OR6C4: variants seen among roughly 807,000 people sequenced by gnomAD.
The protein encoded by OR6C4 is olfactory receptor family 6 subfamily C member 4, also known as olfactory receptor 6C4.
In OR6C4, 20 loss-of-function variants were observed where a neutral mutation model predicts 15.1. That is an observed-to-expected ratio of 1.32 (90% CI 0.93 to 1.92). The LOEUF (loss-of-function observed/expected upper bound fraction) is 1.92, where lower values mean the gene tolerates loss of function less well. Ranked by LOEUF, OR6C4 falls within the 30% of genes most tolerant of loss-of-function variation. The pLI, the probability that OR6C4 is intolerant of heterozygous loss-of-function variation, is 0.00. For missense variants in OR6C4, 491 were observed against 363.2 expected, an observed-to-expected ratio of 1.35 and a Z score of -2.86; for synonymous variants, 179 against 134.2, an observed-to-expected ratio of 1.33 and a Z score of -2.31.
rs914573923 is a variant in OR6C4, at chr12:55,553,827, C to T, written c.*1671C>T. Reference sequence around the variant, plus strand: ...AGTTACCTGGGGATAGTTACTTGATCTCTCTAAGGCTCACCTCTGTCAACT... The same window carrying T: ...AGTTACCTGGGGATAGTTACTTGATTTCTCTAAGGCTCACCTCTGTCAACT... On this transcript the variant is annotated 3_prime_UTR_variant, in exon 2 of 2. Coordinates refer to ENST00000641569, the MANE Select transcript of OR6C4 (RefSeq NM_001005494.2). 2 of 152,126 alleles carry T rather than the reference C, an allele frequency of 1.3e-5. No individual in the cohort carries two copies. The highest frequency in any genetic ancestry group is 1.3e-4 in the Admixed American group (2 of 15,256). 9.4% of individuals were successfully genotyped at this position (152,126 alleles called of 1,614,324 possible).
Position 55,549,864 on chromosome 12 carries a change from G to T in OR6C4, c.-273G>T, listed in dbSNP as rs1873810374. 3 of 152,208 alleles carry T rather than the reference G, an allele frequency of 2.0e-5. No homozygotes were observed. The highest frequency in any genetic ancestry group is 6.8e-3 in the Middle Eastern group (2 of 292). The allele number at this position is 152,208 out of a possible 1,614,324, so 9.4% of individuals were successfully genotyped here. Reference sequence around the variant, plus strand: ...TTTGGATACTTCTATTAAGAGAAAGGTAAAATGTGGATGGAAGCCAATAGA... The same window carrying T: ...TTTGGATACTTCTATTAAGAGAAAGTTAAAATGTGGATGGAAGCCAATAGA... On this transcript the variant is annotated 5_prime_UTR_variant, in exon 1 of 2. Transcript: ENST00000641569.
rs1425740386 is a variant in OR6C4, at chr12:55,555,152, G to A, written c.*2996G>A. The A allele has an allele frequency of 6.6e-6, 1 of 152,178 alleles. No individual in the cohort carries two copies. Among genetic ancestry groups the A allele is most frequent in the Non-Finnish European group, 1.5e-5 (1 of 68,036 alleles). 9.4% of individuals were successfully genotyped at this position (152,178 alleles called of 1,614,324 possible). On this transcript the variant is annotated 3_prime_UTR_variant, in exon 2 of 2. Transcript: ENST00000641569. Reference sequence around the variant, plus strand: ...AGCTACTGGGAAGGCTGAAGCACAAGAATCACTTGGAGTACAAGTGGCCTT... The same window carrying A: ...AGCTACTGGGAAGGCTGAAGCACAAAAATCACTTGGAGTACAAGTGGCCTT...
rs1235702786 is a variant in OR6C4, at chr12:55,552,733, G to T, written c.*577G>T. The T allele has an allele frequency of 6.6e-6, 1 of 151,918 alleles. No homozygotes were observed. The highest frequency in any genetic ancestry group is 1.5e-5 in the Non-Finnish European group (1 of 67,926). The allele number at this position is 151,918 out of a possible 1,614,324, so 9.4% of individuals were successfully genotyped here. Reference sequence around the variant, plus strand: ...TTGCAACTTCCCTCCTTTCATAAGAGGAAAATGAAAGAATATATATTTAGT... The same window carrying T: ...TTGCAACTTCCCTCCTTTCATAAGATGAAAATGAAAGAATATATATTTAGT... On this transcript the variant is annotated 3_prime_UTR_variant, in exon 2 of 2. Coordinates refer to ENST00000641569, the MANE Select transcript of OR6C4 (RefSeq NM_001005494.2).
chr12:55,551,011 C>T (rs1237701284), intron 1 of OR6C4, among the ~76,000 whole-genome samples, 198 bp from the exon 2 acceptor site: 1 of 151,988 alleles, frequency 6.6e-6, no homozygotes, highest in South Asian at 2.1e-4. Flanking sequence ...AGGAACAGGT[C>T]AACTTGAGAA....
chr12:55,552,162 G>A lies in OR6C4; in HGVS notation c.*6G>A, dbSNP rs1291948038. ...AAAAGATTGTGAAACTTTAAAAAAG[G>A]AGATTACACTTCAAAATACATTTTC... On this transcript the variant is annotated 3_prime_UTR_variant, in exon 2 of 2. Coordinates refer to ENST00000641569, the MANE Select transcript of OR6C4 (RefSeq NM_001005494.2). 1 of 1,565,764 alleles carries A rather than the reference G, an allele frequency of 6.4e-7. No homozygotes were observed. Among genetic ancestry groups the A allele is most frequent in the Non-Finnish European group, 8.7e-7 (1 of 1,153,680 alleles).
In OR6C4 at chr12:55,551,391, C is replaced by A. The variant is rs777818358; in HGVS notation, c.165C>A (p.Thr55=). The change falls in exon 2 of 2, where the codon ACC becomes ACA. Residue 55 remains threonine (T), a synonymous_variant. Coordinates refer to ENST00000641569, the MANE Select transcript of OR6C4 (RefSeq NM_001005494.2). ...CCTTACTAGACCCCCACCTCCAGAC[C>A]CCCATGTATTTCTTCCTCCGGAATT... ...TLTLLDPHLQ[T]PMYFFLRNFS... 15 of 1,613,734 alleles carry A rather than the reference C, an allele frequency of 9.3e-6. No individual in the cohort carries two copies. Among genetic ancestry groups the A allele is most frequent in the African/African-American group, 5.3e-5 (4 of 74,856 alleles).
chr12:55,551,203 C>T lies in OR6C4; in HGVS notation c.-18-6C>T, dbSNP rs1873843917. 3 of 1,542,022 alleles carry T rather than the reference C, an allele frequency of 1.9e-6. No individual in the cohort carries two copies. The highest frequency in any genetic ancestry group is 2.7e-6 in the Non-Finnish European group (3 of 1,124,998). On this transcript the variant is annotated splice_region_variant and splice_polypyrimidine_tract_variant and intron_variant, in intron 1 of 1. Transcript: ENST00000641569. ...AATTTTCATCATTCTCACCTTTTGCCTTTAGGTTTTCCGAAGGTCAACAAT... is the reference window on the plus strand; with the variant it reads ...AATTTTCATCATTCTCACCTTTTGCTTTTAGGTTTTCCGAAGGTCAACAAT...
At position 55,551,532 on chromosome 12, in the gene OR6C4, T is replaced by C. The variant is rs1228749680; in HGVS notation, c.306T>C (p.Ala102=). ...GCTGCTTGACTCAGTATTTTTTTGC[T>C]ATATTTCTTGGAGCTACCGAGTTTT... ...FAGCLTQYFF[A]IFLGATEFYL... Residue 102 remains alanine, a synonymous_variant, in exon 2 of 2, where the codon GCT becomes GCC. Transcript: ENST00000641569. The C allele has an allele frequency of 6.2e-7, 1 of 1,613,994 alleles. No homozygotes were observed. Among genetic ancestry groups the C allele is most frequent in the South Asian group, 1.1e-5 (1 of 91,084 alleles).
Position 55,552,186 on chromosome 12 carries a change from T to G in OR6C4, c.*30T>G, listed in dbSNP as rs1592336799. Reference sequence around the variant, plus strand: ...GGAGATTACACTTCAAAATACATTTTCACTTAACAAATATGCATTGAATGT... The same window carrying G: ...GGAGATTACACTTCAAAATACATTTGCACTTAACAAATATGCATTGAATGT... On this transcript the variant is annotated 3_prime_UTR_variant, in exon 2 of 2. Coordinates refer to ENST00000641569, the MANE Select transcript of OR6C4 (RefSeq NM_001005494.2). The G allele has an allele frequency of 1.4e-6, 2 of 1,470,282 alleles. No homozygotes were observed. Among genetic ancestry groups the G allele is most frequent in the East Asian group, 4.6e-5 (2 of 43,330 alleles). 91.1% of individuals were successfully genotyped at this position (1,470,282 alleles called of 1,614,324 possible).
Position 55,551,646 on chromosome 12 carries a change from A to G in OR6C4, c.420A>G (p.Ile140Met), listed in dbSNP as rs1430257749. ...CTATTATGAGCAGCAGAGTCTGCAT[A>G]CAACTAGTGTTCTGCTCCTGGTTGG... is the stretch of plus-strand genomic sequence containing the variant. ...YLTIMSSRVC[I>M]QLVFCSWLGG... The change falls in exon 2 of 2, where the codon ATA becomes ATG. Residue 140 changes from isoleucine (I) to methionine (M), a missense_variant. By Grantham distance (10) the Ile-to-Met change is conservative. Transcript: ENST00000641569. 1.9e-6 allele frequency: 3 copies of G among 1,613,862 alleles called. No individual in the cohort carries two copies. Among genetic ancestry groups the G allele is most frequent in the Admixed American group, 3.3e-5 (2 of 59,952 alleles).
Position 55,552,458 on chromosome 12 carries a change from CAG to C in OR6C4, c.*304_*305del, listed in dbSNP as rs1358502516. The C allele has an allele frequency of 4.4e-6, 1 of 224,824 alleles. No individual in the cohort carries two copies. Among genetic ancestry groups the C allele is most frequent in the Non-Finnish European group, 8.5e-6 (1 of 117,732 alleles). 13.9% of individuals were successfully genotyped at this position (224,824 alleles called of 1,614,324 possible). ...ATTATTTGAAATTTAAGAAGCAAAA[CAG>C]ATTGTTTATTTAGAAGAGTAGGAGG... is the stretch of plus-strand genomic sequence containing the variant. On this transcript the variant is annotated 3_prime_UTR_variant, in exon 2 of 2. Transcript: ENST00000641569.
At position 55,549,664 on chromosome 12, in the gene OR6C4, G is replaced by T. The variant is rs879313305; in HGVS notation, c.-473G>T. 7.9e-5 allele frequency: 12 copies of T among 152,146 alleles called. No individual in the cohort carries two copies. Among genetic ancestry groups the T allele is most frequent in the Non-Finnish European group, 1.5e-4 (10 of 68,020 alleles). The allele number at this position is 152,146 out of a possible 1,614,324, so 9.4% of individuals were successfully genotyped here. On this transcript the variant is annotated 5_prime_UTR_variant, in exon 1 of 2. Coordinates refer to ENST00000641569, the MANE Select transcript of OR6C4 (RefSeq NM_001005494.2). ...ATCTCTCTTAGAACATAAATTTTCA[G>T]AAATTTTCTGTCTCTCAAAGTATTT...
chr12:55,553,823 T>G lies in OR6C4; in HGVS notation c.*1667T>G, dbSNP rs1873941985. On this transcript the variant is annotated 3_prime_UTR_variant, in exon 2 of 2. Coordinates refer to ENST00000641569, the MANE Select transcript of OR6C4 (RefSeq NM_001005494.2). ...CCAAAGTTACCTGGGGATAGTTACT[T>G]GATCTCTCTAAGGCTCACCTCTGTC... 6.6e-6 allele frequency: 1 copy of G among 152,154 alleles called. No individual in the cohort carries two copies. The highest frequency in any genetic ancestry group is 2.1e-4 in the South Asian group (1 of 4,830). 9.4% of individuals were successfully genotyped at this position (152,154 alleles called of 1,614,324 possible).
chr12:55,550,868 T>C (rs555720083), intron 1 of OR6C4, among the ~76,000 whole-genome samples: 1 of 152,278 alleles, frequency 6.6e-6, no homozygotes, highest in South Asian at 2.1e-4. Flanking sequence ...TTAGGAGAGC[T>C]TATAATACAG....
At position 55,551,367 on chromosome 12, in the gene OR6C4, C is replaced by G. The variant is rs1382970087; in HGVS notation, c.141C>G (p.Thr47=). Residue 47 remains threonine, a synonymous_variant, in exon 2 of 2, where the codon ACC becomes ACG. Transcript: ENST00000641569. ...GAAATCTGACTATTATCACCCTCAC[C>G]TTACTAGACCCCCACCTCCAGACCC... ...ILGNLTIITL[T]LLDPHLQTPM... The G allele has an allele frequency of 6.2e-7, 1 of 1,613,762 alleles. No individual in the cohort carries two copies.
At position 55,552,086 on chromosome 12, in the gene OR6C4, T is replaced by C; in HGVS notation, c.860T>C (p.Ile287Thr). The C allele has an allele frequency of 1.2e-6, 2 of 1,610,610 alleles. No homozygotes were observed. The highest frequency in any genetic ancestry group is 1.7e-6 in the Non-Finnish European group (2 of 1,179,172). ...GTTACTCCCTTACTGAATCCCTTCA[T>C]ATATACTTTAAGAAATCAGCAAGTG... is the stretch of plus-strand genomic sequence containing the variant. ...TSVTPLLNPFIYTLRNQQVKQ... is the reference protein window; with the variant it reads ...TSVTPLLNPFTYTLRNQQVKQ... The change falls in exon 2 of 2, where the codon ATA becomes ACA. Residue 287 changes from isoleucine to threonine, a missense_variant. Coordinates refer to ENST00000641569, the MANE Select transcript of OR6C4 (RefSeq NM_001005494.2).
rs1873913539 is a variant in OR6C4, at chr12:55,552,840, G to A, written c.*684G>A. 6.6e-6 allele frequency: 1 copy of A among 151,976 alleles called. No individual in the cohort carries two copies. The highest frequency in any genetic ancestry group is 1.5e-5 in the Non-Finnish European group (1 of 67,924). 9.4% of individuals were successfully genotyped at this position (151,976 alleles called of 1,614,324 possible). A position where few individuals can be genotyped will look rare whatever the true frequency, so the allele number is the denominator to read the frequency against. ...CATTTTCTAGTTTATGGTTAAAACA[G>A]GTTTCTAGAGACAAGTTTAGAAGGC... On this transcript the variant is annotated 3_prime_UTR_variant, in exon 2 of 2. Coordinates refer to ENST00000641569, the MANE Select transcript of OR6C4 (RefSeq NM_001005494.2).
In OR6C4 at chr12:55,552,054, T is replaced by C. The variant is rs919232493; in HGVS notation, c.828T>C (p.Ile276=). The C allele has an allele frequency of 1.9e-6, 3 of 1,613,318 alleles. No individual in the cohort carries two copies. Among genetic ancestry groups the C allele is most frequent in the Non-Finnish European group, 2.5e-6 (3 of 1,179,672 alleles). Residue 276 remains isoleucine (I), a synonymous_variant, in exon 2 of 2, where the codon ATT becomes ATC. Coordinates refer to ENST00000641569, the MANE Select transcript of OR6C4 (RefSeq NM_001005494.2). ...TCAACAAAGGAATAGCTGTACTCATTACTTCGGTTACTCCCTTACTGAATC... is the reference window on the plus strand; with the variant it reads ...TCAACAAAGGAATAGCTGTACTCATCACTTCGGTTACTCCCTTACTGAATC... The part of the protein sequence containing the change: ...GAFNKGIAVL[I]TSVTPLLNPF...
In OR6C4 at chr12:55,551,241, C is replaced by A. The variant is rs200999334; in HGVS notation, c.15C>A (p.Thr5=). 17 of 1,607,192 alleles carry A rather than the reference C, an allele frequency of 1.1e-5. No individual in the cohort carries two copies. Among genetic ancestry groups the A allele is most frequent in the East Asian group, 2.2e-5 (1 of 44,842 alleles). Residue 5 remains threonine, a synonymous_variant, in exon 2 of 2, where the codon ACC becomes ACA. Transcript: ENST00000641569. MKNR[T]MFGEFILLGL... The stretch of plus-strand genomic sequence containing the variant: ...GAAGGTCAACAATGAAAAACAGAAC[C>A]ATGTTTGGTGAGTTTATTCTACTGG...
Sources: gnomAD v4.1 joint callset for allele counts (sites outside exome capture counted in the v4.1 genomes callset) on GRCh38, gnomAD v4.1.1 for gene constraint, MANE v1.5 for transcripts, NCBI Gene and HGNC (gene_info 2026-07-23, HGNC 2026-07-21) for gene names.